The following CFAP47 variants were observed in gnomAD, a reference collection of about 807,000 sequenced individuals.
CFAP47 encodes the protein cilia- and flagella-associated protein 47.
In CFAP47, 29 loss-of-function variants were observed where a neutral mutation model predicts 148.1. The ratio of observed to expected loss-of-function variants is 0.20; its 90% CI spans 0.15 to 0.27. CFAP47 has a LOEUF of 0.27. CFAP47 is among the 10% of genes least tolerant of loss of function. CFAP47 has a pLI of 1.00. For synonymous variants in CFAP47, 664 were observed against 577.3 expected (o/e 1.15, Z -2.15); for missense variants, 1,872 against 1,697.5 (o/e 1.10, Z -1.81).
chrX:36,056,397 C>G (rs965820722), intron 26 of CFAP47, among the ~76,000 whole-genome samples: 1 of 111,762 alleles, frequency 8.9e-6, no homozygotes, highest in Non-Finnish European at 1.9e-5. Flanking sequence ...AGAAGCTGTG[C>G]TTTACAAAGG....
chrX:36,135,528 G>A (rs182595201), intron 33 of CFAP47, among the ~76,000 whole-genome samples: 42 of 111,478 alleles, frequency 3.8e-4, no homozygotes, highest in African/African-American at 1.3e-3. Flanking sequence ...AGTAAAAGAA[G>A]CCAAAACAAC....
At chrX:36,327,375 T>A (rs1489082799) in intron 57 of CFAP47, among the ~76,000 whole-genome samples, 4 of 111,939 alleles carry the variant, frequency 3.6e-5, no homozygotes, top group African/African-American at 1.3e-4. Context: ...ATGCTAAACA[T>A]CACTAATCAT....
intron 33 of CFAP47, among the ~76,000 whole-genome samples, chrX:36,113,742 G>T (rs1938590444): frequency 9.1e-6 from 1 of 110,479 alleles, no homozygotes; most frequent in Non-Finnish European, 1.9e-5. Flanking sequence ...CATAGATTTG[G>T]TCTTTTTATA....
At chrX:35,950,892 G>A (rs1936152808) in intron 4 of CFAP47, among the ~76,000 whole-genome samples, 1 of 111,607 alleles carries the variant, frequency 9.0e-6, no homozygotes, top group Middle Eastern at 4.6e-3. Flanking sequence ...CAACTTTACT[G>A]TTTCCTGAAG....
intron 39 of CFAP47, among the ~76,000 whole-genome samples, chrX:36,177,229 A>G (rs1350378526): frequency 8.9e-6 from 1 of 112,228 alleles, no homozygotes; most frequent in Non-Finnish European, 1.9e-5. Context: ...TGATTCAGAC[A>G]CATGTAGATT....
chrX:36,144,575 G>C (rs781772830), intron 35 of CFAP47: 2 of 1,025,232 alleles, frequency 2.0e-6, no homozygotes, highest in African/African-American at 3.9e-5. Flanking sequence ...GTCTGAGGGT[G>C]TTTCCAAAGG....
At chrX:35,944,927 C>T (rs1936063870) in intron 3 of CFAP47, among the ~76,000 whole-genome samples, 1 of 112,055 alleles carries the variant, frequency 8.9e-6, no homozygotes, top group Non-Finnish European at 1.9e-5. Flanking sequence ...GGCTTATTGG[C>T]AAAAGTTGAC....
At chrX:35,969,619 C>T (rs1039241776) in intron 10 of CFAP47, among the ~76,000 whole-genome samples, 5 of 111,791 alleles carry the variant, frequency 4.5e-5, no homozygotes, top group Non-Finnish European at 9.4e-5. Context: ...TACACCACTA[C>T]TTCTTTCCTT....
chrX:35,924,174 T>C (rs919764612), intron 1 of CFAP47, among the ~76,000 whole-genome samples: 1 of 103,676 alleles, frequency 9.6e-6, no homozygotes, highest in South Asian at 4.1e-4. Flanking sequence ...TATATGTACA[T>C]GTATGCGTAC....
At chrX:36,194,525 G>T (rs1939898969) in intron 42 of CFAP47, among the ~76,000 whole-genome samples, 1 of 111,830 alleles carries the variant, frequency 8.9e-6, no homozygotes, top group Admixed American at 9.5e-5. Context: ...TACCTGGACT[G>T]GGTCATGTGT....
chrX:36,295,074 A>G (rs185987243), intron 51 of CFAP47, among the ~76,000 whole-genome samples: 1 of 112,191 alleles, frequency 8.9e-6, no homozygotes, highest in East Asian at 2.8e-4. Flanking sequence ...TGTTTGCCAC[A>G]ATATTTCTAA....
At chrX:36,373,303 T>C (rs1311621867) in intron 62 of CFAP47, among the ~76,000 whole-genome samples, 1 of 111,754 alleles carries the variant, frequency 8.9e-6, no homozygotes, top group African/African-American at 3.2e-5. Flanking sequence ...CTATATAAAT[T>C]GGATTACTTT....
intron 59 of CFAP47, among the ~76,000 whole-genome samples, chrX:36,350,703 T>A (rs1293421364): frequency 1.8e-5 from 2 of 108,910 alleles, no homozygotes; most frequent in African/African-American, 6.7e-5. Flanking sequence ...TTTTTTTTTT[T>A]GCCTCGGCAT....
intron 22 of CFAP47, among the ~76,000 whole-genome samples, chrX:36,026,068 CA>C (rs1392831582): frequency 1.8e-5 from 2 of 111,558 alleles, no homozygotes; most frequent in Admixed American, 1.9e-4. Flanking sequence ...AACGCATTTA[CA>C]GATATTTTTG....
chrX:36,067,484 T>C (rs1202158087), intron 27 of CFAP47, among the ~76,000 whole-genome samples: 3 of 111,032 alleles, frequency 2.7e-5, no homozygotes, highest in African/African-American at 9.8e-5. Context: ...CTGTCCCTTT[T>C]GCTGCCTAAA....
chrX:36,344,339 A>G (rs1941679806), intron 57 of CFAP47, among the ~76,000 whole-genome samples: 1 of 110,841 alleles, frequency 9.0e-6, no homozygotes, highest in Non-Finnish European at 1.9e-5. Flanking sequence ...TGTGAGATGA[A>G]AAATGAACTT....
chrX:36,170,669 G>A (rs967451271), intron 39 of CFAP47, among the ~76,000 whole-genome samples: 3 of 107,580 alleles, frequency 2.8e-5, no homozygotes, highest in Non-Finnish European at 3.8e-5. Flanking sequence ...GTGTATATGT[G>A]CCACATTTTC....
At chrX:35,985,601 C>A (rs1936703430) in intron 15 of CFAP47, among the ~76,000 whole-genome samples, 1 of 110,991 alleles carries the variant, frequency 9.0e-6, no homozygotes, top group African/African-American at 3.3e-5. Context: ...TAAGGGCCCC[C>A]AGGAAGCACC....
intron 29 of CFAP47, 64 bp from the exon 30 acceptor site, chrX:36,085,250 T>G (rs895559491): frequency 5.4e-5 from 36 of 661,587 alleles, no homozygotes; most frequent in South Asian, 5.3e-4. Context: ...ATTGAACATG[T>G]TTTTTTTTCC....
Sources: allele counts gnomAD v4.1 joint callset (sites outside exome capture counted in the v4.1 genomes callset), GRCh38; gene constraint gnomAD v4.1.1; transcripts MANE v1.5; gene names NCBI Gene and HGNC (gene_info 2026-07-23, HGNC 2026-07-21).